Variants in PAX9 observed in about 807,000 individuals in gnomAD.
PAX9 encodes paired box protein Pax-9.
Under a neutral mutation model 29.1 loss-of-function variants are expected in PAX9, and 6 were observed. That is an observed-to-expected ratio of 0.21 (90% CI 0.11 to 0.41). The LOEUF (loss-of-function observed/expected upper bound fraction) is 0.41. PAX9 is among the 10% of genes least tolerant of loss of function. The probability of loss-of-function intolerance (pLI) is 1.00; values close to 1 mark genes in which losing one functional copy is unlikely to be tolerated. For missense variants in PAX9, 443 were observed against 479.1 expected, an observed-to-expected ratio of 0.92 and a Z score of 0.70; for synonymous variants, 217 against 211.7, an observed-to-expected ratio of 1.03 and a Z score of -0.22.
intron 2 of PAX9, among the ~76,000 whole-genome samples, chr14:36,663,984 G>A (rs1029177957): frequency 1.3e-5 from 2 of 152,230 alleles, no homozygotes; most frequent in African/African-American, 2.4e-5. Context: ...TGGCCGGGAG[G>A]AGTCCAGCAC....
rs1368294577 is a variant in PAX9, at chr14:36,677,744, ATTTAAT to A, written c.*1298_*1303del. On this transcript the variant is annotated 3_prime_UTR_variant, in exon 4 of 4. Coordinates refer to ENST00000361487, the MANE Select transcript of PAX9 (RefSeq NM_001372076.1). The stretch of plus-strand genomic sequence containing the variant: ...GTGGTGGTACTAGAAATACAATGTT[ATTTAAT>A]TTTAACAAATTCCCTTTATTCATTT... 3 of 152,260 alleles carry A rather than the reference ATTTAAT, an allele frequency of 2.0e-5. No individual in the cohort carries two copies. Among genetic ancestry groups the A allele is most frequent in the Admixed American group, 6.5e-5 (1 of 15,290 alleles). The allele number at this position is 152,260 out of a possible 1,614,324, so 9.4% of individuals were successfully genotyped here.
At chr14:36,659,658 C>G (rs188251232), upstream of PAX9, among the ~76,000 whole-genome samples, 600 of 152,316 alleles carry the variant, frequency 3.9e-3, 3 homozygotes, top group African/African-American at 0.014. Flanking sequence ...GTTGCTACCC[C>G]TGGCACGCCC....
In PAX9 at chr14:36,677,343, G is replaced by A. The variant is rs1449665709; in HGVS notation, c.*891G>A. The A allele has an allele frequency of 6.6e-6, 1 of 152,070 alleles. No homozygotes were observed. Among genetic ancestry groups the A allele is most frequent in the Non-Finnish European group, 1.5e-5 (1 of 68,052 alleles). The allele number at this position is 152,070 out of a possible 1,614,324, so 9.4% of individuals were successfully genotyped here. ...TCATGAAGGACACTTTATTTCTACAGCAGAGGACACGAAAAACAGATAAAA... is the reference window on the plus strand; with the variant it reads ...TCATGAAGGACACTTTATTTCTACAACAGAGGACACGAAAAACAGATAAAA... On this transcript the variant is annotated 3_prime_UTR_variant, in exon 4 of 4. Transcript: ENST00000361487.
chr14:36,667,668 C>A (rs1025495968), intron 3 of PAX9, among the ~76,000 whole-genome samples: 1 of 152,104 alleles, frequency 6.6e-6, no homozygotes, highest in Admixed American at 6.5e-5. Flanking sequence ...GTAACAAATC[C>A]CATTTCCACT....
chr14:36,670,987 A>C, intron 3 of PAX9: 1 of 410,900 alleles, frequency 2.4e-6, no homozygotes, highest in South Asian at 1.8e-5. Context: ...TAATGCATTA[A>C]AAATGGAAGA....
At chr14:36,669,119 C>CTAATT (rs1881615408) in intron 3 of PAX9, among the ~76,000 whole-genome samples, 1 of 152,098 alleles carries the variant, frequency 6.6e-6, no homozygotes, top group Admixed American at 6.5e-5. Context: ...TTAGTGGCTA[C>CTAATT]TCTATGATAA....
At chr14:36,662,197 C>T (rs987325676) in intron 1 of PAX9, 104 bp downstream of exon 1, 19 of 1,248,286 alleles carry the variant, frequency 1.5e-5, no homozygotes, top group Non-Finnish European at 2.1e-5. Flanking sequence ...CGCCACTAGG[C>T]GCTCACATTC....
chr14:36,661,938 C>A lies in PAX9; in HGVS notation c.-152C>A. ...TCGGGGCACAGACTTCCTTTTACTT[C>A]TTCCTTTTGCCCTCTCGCCTCCTCC... On this transcript the variant is annotated 5_prime_UTR_variant, in exon 1 of 4. Transcript: ENST00000361487. 1 of 874,848 alleles carries A rather than the reference C, an allele frequency of 1.1e-6. No individual in the cohort carries two copies. The highest frequency in any genetic ancestry group is 1.9e-6 in the Non-Finnish European group (1 of 535,164). 54.2% of individuals were successfully genotyped at this position (874,848 alleles called of 1,614,324 possible).
rs776191272 is a variant in PAX9, at chr14:36,677,564, A to G, written c.*1112A>G. ...AACCACTGTGAAACTAAATTGTCCT[A>G]TTATTGTTGGCTTACCTGTGTGTTC... On this transcript the variant is annotated 3_prime_UTR_variant, in exon 4 of 4. Coordinates refer to ENST00000361487, the MANE Select transcript of PAX9 (RefSeq NM_001372076.1). 1 of 152,198 alleles carries G rather than the reference A, an allele frequency of 6.6e-6. No homozygotes were observed. The highest frequency in any genetic ancestry group is 1.5e-5 in the Non-Finnish European group (1 of 68,030). 9.4% of individuals were successfully genotyped at this position (152,198 alleles called of 1,614,324 possible). A position where few individuals can be genotyped will look rare whatever the true frequency, so the allele number is the denominator to read the frequency against.
intron 3 of PAX9, among the ~76,000 whole-genome samples, chr14:36,672,852 CTTTTTTTTTTTTTTTT>C (rs3061562): frequency 8.9e-4 from 17 of 19,158 alleles, no homozygotes; most frequent in Middle Eastern, 0.038. Flanking sequence ...TTCTTTCTTC[CTTTTTTTTTTTTTTTT>C]TTTTTTTTTT....
Position 36,676,392 on chromosome 14 carries a change from G to A in PAX9, c.966G>A (p.Ala322=), listed in dbSNP as rs563731743. ...ACTGTGACATTCCGGCATCGCTGGCGTTCAAGGGAATGCAGGCAGCCAGAG... is the reference window on the plus strand; with the variant it reads ...ACTGTGACATTCCGGCATCGCTGGCATTCAAGGGAATGCAGGCAGCCAGAG... The part of the protein sequence containing the change: ...PHNCDIPASL[A]FKGMQAAREG... The change falls in exon 4 of 4, where the codon GCG becomes GCA. Residue 322 remains alanine (A), a synonymous_variant. Transcript: ENST00000361487. 6 of 1,614,088 alleles carry A rather than the reference G, an allele frequency of 3.7e-6. No homozygotes were observed. The South Asian group carries it at 6.6e-5, about 18-fold the overall frequency.
intron 3 of PAX9, among the ~76,000 whole-genome samples, chr14:36,667,029 C>G (rs1488826710): frequency 6.6e-6 from 1 of 152,188 alleles, no homozygotes; most frequent in East Asian, 1.9e-4. Context: ...GCCTTCACGC[C>G]CGCGAAACGC....
chr14:36,659,801 A>T (rs1384303515), upstream of PAX9, among the ~76,000 whole-genome samples: 1 of 152,174 alleles, frequency 6.6e-6, no homozygotes, highest in Non-Finnish European at 1.5e-5. Context: ...AACAAGAGGG[A>T]GTTGTATGTT....
intron 1 of PAX9, among the ~76,000 whole-genome samples, chr14:36,662,322 T>C (rs1348446593): frequency 6.6e-6 from 1 of 152,176 alleles, no homozygotes; most frequent in African/African-American, 2.4e-5. Context: ...CATTTTCTGA[T>C]TTTAAGAGAA....
At chr14:36,670,287 T>G (rs1594472010) in intron 3 of PAX9, among the ~76,000 whole-genome samples, 2 of 152,176 alleles carry the variant, frequency 1.3e-5, no homozygotes, top group South Asian at 4.1e-4. Context: ...AATATAACAC[T>G]AGCTACAGAC....
intron 3 of PAX9, chr14:36,672,039 T>C (rs1310733670): frequency 6.6e-6 from 1 of 152,228 alleles, no homozygotes; most frequent in Non-Finnish European, 1.5e-5. Context: ...GAAAGAATTC[T>C]CATGCCTTTC....
intron 3 of PAX9, among the ~76,000 whole-genome samples, chr14:36,673,545 A>G (rs2139120334): frequency 1.1e-4 from 1 of 9,016 alleles, no homozygotes; most frequent in African/African-American, 4.5e-4. Context: ...GGGTCCATGT[A>G]AGGGGACCAT....
chr14:36,657,714 G>C (rs1881081765), upstream of PAX9: 1 of 152,204 alleles, frequency 6.6e-6, no homozygotes, highest in South Asian at 2.1e-4. Flanking sequence ...GACCCAACCC[G>C]CTGCCATTCT....
At chr14:36,671,585 T>C (rs1458277629) in intron 3 of PAX9, among the ~76,000 whole-genome samples, 3 of 152,126 alleles carry the variant, frequency 2.0e-5, no homozygotes, top group African/African-American at 7.2e-5. Context: ...AATATACATA[T>C]GGTTGTGGAA....
Sources: gnomAD v4.1 joint callset for allele counts (sites outside exome capture counted in the v4.1 genomes callset) on GRCh38, gnomAD v4.1.1 for gene constraint, MANE v1.5 for transcripts, NCBI Gene and HGNC (gene_info 2026-07-23, HGNC 2026-07-21) for gene names.